PRKG1: variants seen among roughly 807,000 people sequenced by gnomAD.
The protein encoded by PRKG1 is cGMP-dependent protein kinase 1.
Under a neutral mutation model 88.1 loss-of-function variants are expected in PRKG1, and 35 were observed. That is an observed-to-expected ratio of 0.40 (90% CI 0.30 to 0.53). The LOEUF (loss-of-function observed/expected upper bound fraction) is 0.53, where lower values mean the gene tolerates loss of function less well. PRKG1 is among the 20% of genes least tolerant of loss of function. The pLI is 0.59. For synonymous variants in PRKG1, 303 were observed against 292.5 expected, an observed-to-expected ratio of 1.04 and a Z score of -0.37; for missense variants, 540 against 839.8, an observed-to-expected ratio of 0.64 and a Z score of 4.41.
chr10:51,126,256 T>C (rs1845410054), intron 1 of PRKG1, among the ~76,000 whole-genome samples: 1 of 8,380 alleles, frequency 1.2e-4, no homozygotes, highest in Non-Finnish European at 3.6e-4. Flanking sequence ...TATAATTATT[T>C]ATATATTTAT....
intron 3 of PRKG1, among the ~76,000 whole-genome samples, chr10:51,719,569 C>G (rs1287530419): frequency 2.6e-5 from 4 of 152,098 alleles, no homozygotes; most frequent in Non-Finnish European, 5.9e-5. Context: ...GGAGATACAA[C>G]AGTTAAATGC....
At chr10:51,440,866 A>C (rs973966829) in intron 2 of PRKG1, among the ~76,000 whole-genome samples, 1 of 151,986 alleles carries the variant, frequency 6.6e-6, no homozygotes, top group Non-Finnish European at 1.5e-5. Flanking sequence ...GAAGGCAAAA[A>C]TTTCATGTAA....
chr10:51,960,523 A>T (rs1490800473), intron 5 of PRKG1, among the ~76,000 whole-genome samples: 2 of 151,894 alleles, frequency 1.3e-5, no homozygotes, highest in South Asian at 2.1e-4. Context: ...CCCACCAAAA[A>T]TAACCGTTTT....
chr10:51,234,336 T>C (rs924292341), intron 2 of PRKG1, among the ~76,000 whole-genome samples: 5 of 152,210 alleles, frequency 3.3e-5, no homozygotes, highest in African/African-American at 1.2e-4. Context: ...GATGAGCTAG[T>C]CTTTTCTGCC....
At chr10:51,305,869 T>C (rs1841022959) in intron 2 of PRKG1, among the ~76,000 whole-genome samples, 1 of 152,218 alleles carries the variant, frequency 6.6e-6, no homozygotes, top group South Asian at 2.1e-4. Context: ...GGAGGGCTTT[T>C]GTAATCAGAA....
chr10:51,749,932 C>G (rs965115931), intron 3 of PRKG1, among the ~76,000 whole-genome samples: 2 of 131,744 alleles, frequency 1.5e-5, no homozygotes, highest in Non-Finnish European at 3.2e-5. Flanking sequence ...CTCTAATAGT[C>G]TTTTTTTTTT....
At chr10:51,297,682 A>C (rs1326598275) in intron 2 of PRKG1, among the ~76,000 whole-genome samples, 3 of 151,938 alleles carry the variant, frequency 2.0e-5, no homozygotes, top group Non-Finnish European at 2.9e-5. Flanking sequence ...GCAGTTGTAC[A>C]ATCTAATTAT....
intron 5 of PRKG1, among the ~76,000 whole-genome samples, chr10:52,050,188 T>C (rs1452335996): frequency 6.6e-6 from 1 of 151,900 alleles, no homozygotes; most frequent in Non-Finnish European, 1.5e-5. Flanking sequence ...GGCCTGGTGG[T>C]GGCACAGTCA....
At chr10:51,781,107 G>A (rs2132562750) in intron 3 of PRKG1, among the ~76,000 whole-genome samples, 1 of 152,202 alleles carries the variant, frequency 6.6e-6, no homozygotes, top group African/African-American at 2.4e-5. Flanking sequence ...TCTATCTAGA[G>A]AATAATTGTT....
chr10:52,183,754 G>A (rs1839108595), intron 9 of PRKG1, among the ~76,000 whole-genome samples: 1 of 152,202 alleles, frequency 6.6e-6, no homozygotes, highest in Admixed American at 6.5e-5. Flanking sequence ...CAAAGCCTGG[G>A]TGGGGGTGAG....
At chr10:51,250,663 A>G (rs1408577713) in intron 2 of PRKG1, among the ~76,000 whole-genome samples, 1 of 151,816 alleles carries the variant, frequency 6.6e-6, no homozygotes, top group Admixed American at 6.6e-5. Context: ...TTGCCTTTCT[A>G]TCTCTGACAA....
At chr10:51,203,407 C>G (rs1390829591) in intron 2 of PRKG1, among the ~76,000 whole-genome samples, 1 of 152,114 alleles carries the variant, frequency 6.6e-6, no homozygotes, top group Non-Finnish European at 1.5e-5. Flanking sequence ...AATTCTTGCT[C>G]TACATGGTTT....
At chr10:52,190,907 C>G (rs545637640) in intron 9 of PRKG1, among the ~76,000 whole-genome samples, 1 of 152,278 alleles carries the variant, frequency 6.6e-6, no homozygotes, top group African/African-American at 2.4e-5. Flanking sequence ...ATTATTTCCT[C>G]CCAAATACAT....
intron 2 of PRKG1, among the ~76,000 whole-genome samples, chr10:51,375,421 T>TG (rs1171533222): frequency 2.0e-5 from 3 of 146,362 alleles, no homozygotes; most frequent in Admixed American, 6.8e-5. Flanking sequence ...GTTTTGGATT[T>TG]GGGGTTTTTT....
At chr10:51,974,777 T>C (rs905061384) in intron 5 of PRKG1, among the ~76,000 whole-genome samples, 1 of 152,166 alleles carries the variant, frequency 6.6e-6, no homozygotes, top group African/African-American at 2.4e-5. Flanking sequence ...GTATCTCTTA[T>C]GACACTGTAA....
At position 51,253,565 on chromosome 10, in the gene PRKG1, G is replaced by A. The variant is rs1589282116; in HGVS notation, c.478+100235G>A. On this transcript the variant is annotated intron_variant, in intron 2 of 17. Coordinates refer to ENST00000373980, the MANE Select transcript of PRKG1 (RefSeq NM_006258.4). Reference sequence around the variant, plus strand: ...TTTCATTCATCTCCAAGCCAGTTATGTTCAAATTCTACTTTCTGAATCCGA... The same window carrying A: ...TTTCATTCATCTCCAAGCCAGTTATATTCAAATTCTACTTTCTGAATCCGA... 9.2e-5 allele frequency among the ~76,000 whole-genome samples: 14 copies of A among 151,992 alleles called. No homozygotes were observed. The South Asian group carries it at 2.9e-3, about 32-fold the overall frequency.
rs56045527 is a variant in PRKG1 at position 51,549,120 on chromosome 10, C to CTTTTTTTTTTTTTTTT, written c.592+81290_592+81305dup. ...TTCTTTCCTTTCTTTCTTTTCTTTTCTTTTTTTTTTTTTTTTTTTTTGAGA... is the reference window on the plus strand; with the variant it reads ...TTCTTTCCTTTCTTTCTTTTCTTTTCTTTTTTTTTTTTTTTTTTTTTTTTTTTTTTTTTTTTTGAGA... On this transcript the variant is annotated intron_variant, in intron 3 of 17. Transcript: ENST00000373980. Among the ~76,000 whole-genome samples, 143 of 70,328 alleles carry CTTTTTTTTTTTTTTTT rather than the reference C, an allele frequency of 2.0e-3. 11 individuals are homozygous for CTTTTTTTTTTTTTTTT. Among genetic ancestry groups the CTTTTTTTTTTTTTTTT allele is most frequent in the African/African-American group, 2.4e-3 (43 of 17,876 alleles). The allele number at this position is 70,328 out of a possible 152,430, so 46.1% of individuals were successfully genotyped here.
chr10:51,098,190 C>A (rs1233246716), intron 1 of PRKG1, among the ~76,000 whole-genome samples: 1 of 152,134 alleles, frequency 6.6e-6, no homozygotes, highest in Non-Finnish European at 1.5e-5. Context: ...CCTTGACATG[C>A]AGCTGCGTTT....
chr10:51,878,250 A>G (rs199523923), intron 4 of PRKG1, among the ~76,000 whole-genome samples: 16 of 150,970 alleles, frequency 1.1e-4, no homozygotes, highest in Admixed American at 1.3e-4. Flanking sequence ...GTGTGAATAT[A>G]TGTGTGTGTG....
Sources: gnomAD v4.1 joint callset for allele counts (sites outside exome capture counted in the v4.1 genomes callset) on GRCh38, gnomAD v4.1.1 for gene constraint, MANE v1.5 for transcripts, NCBI Gene and HGNC (gene_info 2026-07-23, HGNC 2026-07-21) for gene names.